The following OSBPL10 variants were observed in gnomAD, a reference collection of about 807,000 sequenced individuals.
OSBPL10 encodes the protein oxysterol binding protein like 10, also known as oxysterol-binding protein-related protein 10.
A neutral mutation model predicts 81.7 loss-of-function variants in OSBPL10; 49 were observed. The ratio of observed to expected loss-of-function variants is 0.60; its 90% CI spans 0.48 to 0.76. The LOEUF (loss-of-function observed/expected upper bound fraction) is 0.76. OSBPL10 is among the 30% of genes least tolerant of loss of function. The pLI, the probability that OSBPL10 is intolerant of heterozygous loss-of-function variation, is 0.00. For synonymous variants in OSBPL10, 419 were observed against 383.6 expected, an observed-to-expected ratio of 1.09 and a Z score of -1.08; for missense variants, 923 against 987.8, an observed-to-expected ratio of 0.93 and a Z score of 0.88.
intron 1 of OSBPL10, among the ~76,000 whole-genome samples, chr3:31,896,061 A>G (rs185529989): frequency 1.2e-3 from 184 of 152,328 alleles, no homozygotes; most frequent in Non-Finnish European, 1.9e-3. Context: ...AATTTATGAT[A>G]ATTAAAAACA....
At chr3:31,837,698 T>G (rs1047743772) in intron 3 of OSBPL10, among the ~76,000 whole-genome samples, 2 of 149,884 alleles carry the variant, frequency 1.3e-5, no homozygotes, top group Non-Finnish European at 1.5e-5. Context: ...AGATATATGA[T>G]GAATTTAGAA....
intron 4 of OSBPL10, among the ~76,000 whole-genome samples, chr3:31,750,696 A>G (rs138192590): frequency 6.6e-6 from 1 of 152,266 alleles, no homozygotes; most frequent in African/African-American, 2.4e-5. Context: ...ATGCACTGAA[A>G]AGAAAGAAGA....
chr3:31,692,504 A>C (rs1164543814), intron 7 of OSBPL10, among the ~76,000 whole-genome samples: 65 of 152,188 alleles, frequency 4.3e-4, no homozygotes, highest in African/African-American at 1.5e-3. Flanking sequence ...TTGAAAGCTA[A>C]AATGACTCAC....
intron 1 of OSBPL10, among the ~76,000 whole-genome samples, chr3:31,883,493 G>A (rs1355160363): frequency 6.6e-6 from 1 of 150,626 alleles, no homozygotes; most frequent in Non-Finnish European, 1.5e-5. Flanking sequence ...GCCCACCTCA[G>A]CCTCCCATAG....
chr3:32,064,910 T>C lies in OSBPL10; in HGVS notation n.185+12486A>G, dbSNP rs1699767212. The C allele has an allele frequency of 2.1e-5, 2 of 93,108 alleles. 1 individual carries two copies. The highest frequency in any genetic ancestry group is 8.3e-4 in the South Asian group (2 of 2,418). 5.8% of individuals were successfully genotyped at this position (93,108 alleles called of 1,614,324 possible). Reference sequence around the variant, plus strand: ...CTCTTAGGCATGCCTAAAATCTCCTTTTTCTTCTTCTTAGGTAAAACATGA... The same window carrying C: ...CTCTTAGGCATGCCTAAAATCTCCTCTTTCTTCTTCTTAGGTAAAACATGA... On this transcript the variant is annotated intron_variant and non_coding_transcript_variant, in intron 1 of 3. Coordinates refer to the OSBPL10 transcript ENST00000479173.
At chr3:31,718,550 CTTCATCCCGTT>C (rs1345875884) in intron 6 of OSBPL10, among the ~76,000 whole-genome samples, 3 of 152,304 alleles carry the variant, frequency 2.0e-5, no homozygotes, top group African/African-American at 7.2e-5. Context: ...CTGAACACAT[CTTCATCCCGTT>C]TTCATAAAAC....
intron 4 of OSBPL10, among the ~76,000 whole-genome samples, chr3:31,759,547 C>G (rs958538371): frequency 2.0e-5 from 3 of 152,120 alleles, no homozygotes; most frequent in African/African-American, 4.8e-5. Flanking sequence ...AAAATCCTGG[C>G]AAATGTACTT....
intron 4 of OSBPL10, among the ~76,000 whole-genome samples, chr3:31,759,215 T>C (rs569076956): frequency 2.0e-5 from 3 of 152,276 alleles, no homozygotes; most frequent in South Asian, 4.1e-4. Context: ...GGATTCCGAG[T>C]AGAAGGCAAA....
intron 1 of OSBPL10, among the ~76,000 whole-genome samples, chr3:31,962,578 G>A (rs1698200162): frequency 2.0e-5 from 3 of 152,012 alleles, no homozygotes; most frequent in Non-Finnish European, 4.4e-5. Context: ...AACCAGCACA[G>A]GAGAAGTGCC....
chr3:31,702,535 A>C, intron 6 of OSBPL10, 27 bp from the exon 7 acceptor site: 1 of 1,613,686 alleles, frequency 6.2e-7, no homozygotes, highest in Non-Finnish European at 8.5e-7. Flanking sequence ...AATAAAAATC[A>C]CCAGCTGGCC....
intron 1 of OSBPL10, among the ~76,000 whole-genome samples, chr3:32,062,886 C>T (rs58630307): frequency 0.047 from 4,442 of 94,650 alleles, 1,091 homozygotes; most frequent in African/African-American, 0.11. Context: ...TTCAGAGGTA[C>T]GCAAGATAAT....
At chr3:32,027,236 G>T (rs1444690889) in intron 2 of OSBPL10, among the ~76,000 whole-genome samples, 1 of 152,000 alleles carries the variant, frequency 6.6e-6, no homozygotes, top group Non-Finnish European at 1.5e-5. Flanking sequence ...GTGTCCATGT[G>T]TTCTCACTGT....
At chr3:31,865,060 A>G (rs1303271227) in intron 3 of OSBPL10, among the ~76,000 whole-genome samples, 1 of 152,182 alleles carries the variant, frequency 6.6e-6, no homozygotes, top group African/African-American at 2.4e-5. Flanking sequence ...CTCCCAACAG[A>G]AAGGGAGAAG....
At chr3:31,961,283 G>A (rs1383301838) in intron 1 of OSBPL10, among the ~76,000 whole-genome samples, 4 of 152,138 alleles carry the variant, frequency 2.6e-5, no homozygotes, top group African/African-American at 9.7e-5. Flanking sequence ...GAATGTGGTG[G>A]TAGAACCTAA....
chr3:31,737,008 T>A (rs1697194466), intron 5 of OSBPL10, among the ~76,000 whole-genome samples: 1 of 152,172 alleles, frequency 6.6e-6, no homozygotes, highest in Non-Finnish European at 1.5e-5. Context: ...CTCTATCCCA[T>A]CATTATCCAG....
intron 1 of OSBPL10, among the ~76,000 whole-genome samples, chr3:31,901,106 C>A (rs1696225042): frequency 6.6e-6 from 1 of 152,156 alleles, no homozygotes; most frequent in African/African-American, 2.4e-5. Context: ...TTGAAGAGAC[C>A]ATATGAATTT....
chr3:31,861,372 A>C (rs1162283630), intron 3 of OSBPL10, among the ~76,000 whole-genome samples: 1 of 152,160 alleles, frequency 6.6e-6, no homozygotes, highest in African/African-American at 2.4e-5. Flanking sequence ...AATTACTTAT[A>C]ATGTCTAATG....
At chr3:31,752,841 G>A (rs1354810054) in intron 4 of OSBPL10, among the ~76,000 whole-genome samples, 1 of 152,192 alleles carries the variant, frequency 6.6e-6, no homozygotes, top group Non-Finnish European at 1.5e-5. Context: ...CAACAAATTT[G>A]ACAACTTCAG....
intron 4 of OSBPL10, among the ~76,000 whole-genome samples, chr3:31,786,666 A>G (rs1025430568): frequency 7.2e-5 from 11 of 152,248 alleles, no homozygotes; most frequent in Non-Finnish European, 1.6e-4. Context: ...CCTGGAGATT[A>G]AAGTTTCACC....
Sources: allele counts gnomAD v4.1 joint callset (sites outside exome capture counted in the v4.1 genomes callset), GRCh38; gene constraint gnomAD v4.1.1; transcripts MANE v1.5; gene names NCBI Gene and HGNC (gene_info 2026-07-23, HGNC 2026-07-21).